Variants in CTNND2 observed in about 807,000 individuals in gnomAD.
CTNND2 encodes catenin delta-2.
Under a neutral mutation model 144.4 loss-of-function variants are expected in CTNND2, and 22 were observed. The observed-to-expected ratio is 0.15, with a 90% confidence interval of 0.11 to 0.22. The LOEUF is 0.22. Ranked by LOEUF, CTNND2 falls within the 10% of genes least tolerant of loss-of-function variation. CTNND2 has a pLI of 1.00. For missense variants in CTNND2, 1,353 were observed against 1,618.8 expected (o/e 0.84, Z 2.82); for synonymous variants, 751 against 695.6 (o/e 1.08, Z -1.25).
At chr5:11,290,144 T>A (rs1291377931) in intron 9 of CTNND2, among the ~76,000 whole-genome samples, 1 of 152,188 alleles carries the variant, frequency 6.6e-6, no homozygotes, top group South Asian at 2.1e-4. Flanking sequence ...CATTTTTACA[T>A]GGTTTTACAA....
At chr5:11,228,353 CAA>C (rs564048343) in intron 10 of CTNND2, among the ~76,000 whole-genome samples, 102 of 26,722 alleles carry the variant, frequency 3.8e-3, no homozygotes, top group African/African-American at 0.01. Flanking sequence ...CTCTCTCTCT[CAA>C]AAAAAAAAAA....
intron 9 of CTNND2, among the ~76,000 whole-genome samples, chr5:11,272,484 C>A (rs1394036865): frequency 6.6e-6 from 1 of 152,186 alleles, no homozygotes; most frequent in Admixed American, 6.6e-5. Context: ...ATGCCACACT[C>A]ACAAGTCTGA....
At chr5:11,321,524 A>G (rs1752031825) in intron 9 of CTNND2, among the ~76,000 whole-genome samples, 1 of 152,210 alleles carries the variant, frequency 6.6e-6, no homozygotes, top group Non-Finnish European at 1.5e-5. Flanking sequence ...AAAGCCCTGT[A>G]ATAGCTGCAA....
intron 12 of CTNND2, among the ~76,000 whole-genome samples, chr5:11,129,524 T>C (rs1196378531): frequency 6.6e-6 from 1 of 150,556 alleles, no homozygotes; most frequent in Non-Finnish European, 1.5e-5. Flanking sequence ...TGCTTCAATA[T>C]ATTCTGCCCT....
chr5:11,662,373 C>T (rs1187398585), intron 2 of CTNND2, among the ~76,000 whole-genome samples: 2 of 151,326 alleles, frequency 1.3e-5, no homozygotes, highest in African/African-American at 4.9e-5. Flanking sequence ...CGTCTGCAAG[C>T]TGAGGAGCAA....
At chr5:11,724,802 A>C (rs945669013) in intron 2 of CTNND2, among the ~76,000 whole-genome samples, 1 of 152,232 alleles carries the variant, frequency 6.6e-6, no homozygotes, top group African/African-American at 2.4e-5. Context: ...TATCACTCCA[A>C]GATGTGTAAC....
chr5:11,012,375 C>A (rs913423674), intron 18 of CTNND2, among the ~76,000 whole-genome samples: 1 of 152,206 alleles, frequency 6.6e-6, no homozygotes, highest in African/African-American at 2.4e-5. Context: ...GGCTTCCAAA[C>A]CTCCAAAGAT....
intron 13 of CTNND2, among the ~76,000 whole-genome samples, chr5:11,112,919 G>T (rs1753152545): frequency 6.6e-6 from 1 of 152,182 alleles, no homozygotes; most frequent in South Asian, 2.1e-4. Context: ...GAGGTGGGTG[G>T]ATCATGAGGT....
intron 1 of CTNND2, among the ~76,000 whole-genome samples, chr5:11,790,214 A>G (rs971960879): frequency 1.3e-5 from 2 of 152,184 alleles, no homozygotes; most frequent in African/African-American, 2.4e-5. Context: ...TCAAAAATAA[A>G]CTTTTTTTGG....
At chr5:11,317,249 A>C (rs1751608157) in intron 9 of CTNND2, among the ~76,000 whole-genome samples, 1 of 152,204 alleles carries the variant, frequency 6.6e-6, no homozygotes, top group Non-Finnish European at 1.5e-5. Context: ...TAGTTAGTGG[A>C]AAACTAGGAT....
At chr5:11,756,308 T>C (rs1788933986) in intron 1 of CTNND2, among the ~76,000 whole-genome samples, 1 of 151,714 alleles carries the variant, frequency 6.6e-6, no homozygotes, top group African/African-American at 2.4e-5. Context: ...AACTGAACAC[T>C]GGATAAACAG....
At chr5:11,408,841 A>G (rs1761294322) in intron 5 of CTNND2, among the ~76,000 whole-genome samples, 1 of 152,102 alleles carries the variant, frequency 6.6e-6, no homozygotes, top group Non-Finnish European at 1.5e-5. Context: ...AAAGCTCAGT[A>G]CTATTATTTG....
At chr5:11,092,566 CCA>C (rs1202407617) in intron 15 of CTNND2, among the ~76,000 whole-genome samples, 2 of 152,174 alleles carry the variant, frequency 1.3e-5, no homozygotes, top group Admixed American at 6.5e-5. Flanking sequence ...ATCTCCTGCT[CCA>C]CAGAGTGGGT....
chr5:11,122,159 T>C (rs1754207502), intron 12 of CTNND2, among the ~76,000 whole-genome samples: 1 of 152,116 alleles, frequency 6.6e-6, no homozygotes. Flanking sequence ...ATATCAGATG[T>C]TTGTTCCAGC....
At chr5:11,319,209 T>C (rs1189414512) in intron 9 of CTNND2, among the ~76,000 whole-genome samples, 9 of 152,138 alleles carry the variant, frequency 5.9e-5, no homozygotes, top group Non-Finnish European at 1.0e-4. Flanking sequence ...ATTTGTTGCA[T>C]GTCTCTTTCT....
intron 1 of CTNND2, among the ~76,000 whole-genome samples, chr5:11,776,618 T>C (rs955736931): frequency 6.6e-6 from 1 of 152,170 alleles, no homozygotes; most frequent in Non-Finnish European, 1.5e-5. Context: ...GACTCAGAAA[T>C]ACTAATTAAT....
intron 3 of CTNND2, among the ~76,000 whole-genome samples, chr5:11,455,553 T>C (rs1008124593): frequency 1.3e-5 from 2 of 152,220 alleles, no homozygotes; most frequent in Non-Finnish European, 2.9e-5. Flanking sequence ...TCAGATTAAA[T>C]GGCAAGACAT....
intron 2 of CTNND2, among the ~76,000 whole-genome samples, chr5:11,604,556 T>G (rs558489841): frequency 6.6e-6 from 1 of 152,318 alleles, no homozygotes; most frequent in African/African-American, 2.4e-5. Flanking sequence ...CCCCAAGCTT[T>G]GCAAGTCCCC....
chr5:11,644,439 C>A (rs560002840), intron 2 of CTNND2, among the ~76,000 whole-genome samples: 1 of 152,208 alleles, frequency 6.6e-6, no homozygotes, highest in East Asian at 1.9e-4. Flanking sequence ...CCCTGGGAGG[C>A]CAAGACGGGT....
Sources: gnomAD v4.1 joint callset for allele counts (sites outside exome capture counted in the v4.1 genomes callset) on GRCh38, gnomAD v4.1.1 for gene constraint, MANE v1.5 for transcripts, NCBI Gene and HGNC (gene_info 2026-07-23, HGNC 2026-07-21) for gene names.